Variants in SAMSN1 observed in about 807,000 individuals in gnomAD.
The protein encoded by SAMSN1 is SAM domain-containing protein SAMSN-1.
A neutral mutation model predicts 42.0 loss-of-function variants in SAMSN1; 31 were observed. The ratio of observed to expected loss-of-function variants is 0.74; its 90% CI spans 0.55 to 1.00. SAMSN1 has a LOEUF of 1.00. Among genes scored for constraint, SAMSN1 ranks in the 50% least tolerant of loss-of-function variants. The probability of loss-of-function intolerance (pLI) is 0.00; values close to 1 mark genes in which losing one functional copy is unlikely to be tolerated. For synonymous variants in SAMSN1, 178 were observed against 151.9 expected (o/e 1.17, Z -1.26); for missense variants, 464 against 439.4 (o/e 1.06, Z -0.50).
chr21:14,490,430 T>A (rs80126187), intron 7 of SAMSN1, among the ~76,000 whole-genome samples: 47 of 152,262 alleles, frequency 3.1e-4, no homozygotes, highest in African/African-American at 1.1e-3. Context: ...CAGTCTCAAG[T>A]TTTAACCTCA....
intron 3 of SAMSN1, among the ~76,000 whole-genome samples, chr21:14,513,998 A>G (rs1468335567): frequency 1.3e-5 from 2 of 152,192 alleles, no homozygotes; most frequent in Non-Finnish European, 2.9e-5. Flanking sequence ...CTTTACTGAC[A>G]GTCCCAGGAC....
chr21:14,631,079 G>A (rs1268909271), intron 2 of SAMSN1, among the ~76,000 whole-genome samples: 2 of 152,058 alleles, frequency 1.3e-5, no homozygotes, highest in Non-Finnish European at 2.9e-5. Context: ...TTTTGTGAAA[G>A]GTTCTGGGAC....
Position 14,498,471 on chromosome 21 carries a change from G to A in SAMSN1, c.890C>T (p.Ser297Leu), listed in dbSNP as rs1303086741. Residue 297 changes from serine (S) to leucine (L), a missense_variant, in exon 7 of 8, where the codon TCA (serine) becomes TTA (leucine). Ser to Leu is a moderately radical substitution (Grantham distance 145). Coordinates refer to ENST00000400566, the MANE Select transcript of SAMSN1 (RefSeq NM_022136.5). ...ENPDDRRRLL[S>L]AAENFLEEEI... Reference sequence around the variant, plus strand: ...TTCTTCAAGGAAGTTTTCAGCAGCTGATAGTAACCTTCTTCTGTCATCTGG... The same window carrying A: ...TTCTTCAAGGAAGTTTTCAGCAGCTAATAGTAACCTTCTTCTGTCATCTGG... The A allele has an allele frequency of 1.9e-6, 3 of 1,610,468 alleles. No homozygotes were observed. Among genetic ancestry groups the A allele is most frequent in the Admixed American group, 3.4e-5 (2 of 59,052 alleles).
At chr21:14,618,354 G>C (rs1982897943) in intron 2 of SAMSN1, among the ~76,000 whole-genome samples, 1 of 152,160 alleles carries the variant, frequency 6.6e-6, no homozygotes, top group African/African-American at 2.4e-5. Flanking sequence ...GGTCTGGAGT[G>C]TGATTATATG....
intron 2 of SAMSN1, among the ~76,000 whole-genome samples, chr21:14,631,857 G>A (rs1382630317): frequency 2.0e-5 from 3 of 152,030 alleles, no homozygotes; most frequent in Non-Finnish European, 4.4e-5. Context: ...TTTTCTTGCT[G>A]AAGTGGACAT....
intron 6 of SAMSN1, among the ~76,000 whole-genome samples, chr21:14,599,547 C>T (rs933576072): frequency 1.3e-5 from 2 of 152,136 alleles, no homozygotes; most frequent in African/African-American, 4.8e-5. Flanking sequence ...TACATGGGGC[C>T]TAATGGCAGG....
rs1986391871 is a variant in SAMSN1, at chr21:14,485,464, T to C, written c.*448A>G. The C allele has an allele frequency of 6.5e-6, 1 of 154,880 alleles. No individual in the cohort carries two copies. Among genetic ancestry groups the C allele is most frequent in the African/African-American group, 2.4e-5 (1 of 41,452 alleles). The allele number at this position is 154,880 out of a possible 1,614,324, so 9.6% of individuals were successfully genotyped here. A position where few individuals can be genotyped will look rare whatever the true frequency, so the allele number is the denominator to read the frequency against. Reference sequence around the variant, plus strand: ...AATGTGTCCAATATTAACTCACACTTTCCCAATAAGTATAAAAATGAATAT... The same window carrying C: ...AATGTGTCCAATATTAACTCACACTCTCCCAATAAGTATAAAAATGAATAT... On this transcript the variant is annotated 3_prime_UTR_variant, in exon 8 of 8. Transcript: ENST00000400566.
At chr21:14,499,935 G>T (rs1987075716) in intron 6 of SAMSN1, among the ~76,000 whole-genome samples, 2 of 152,164 alleles carry the variant, frequency 1.3e-5, no homozygotes, top group Admixed American at 1.3e-4. Flanking sequence ...ACTAGGTGTA[G>T]TGTATGTACA....
intron 1 of SAMSN1, among the ~76,000 whole-genome samples, chr21:14,650,157 A>G (rs1266218468): frequency 6.6e-6 from 1 of 152,172 alleles, no homozygotes; most frequent in Non-Finnish European, 1.5e-5. Flanking sequence ...CAACAAAGAA[A>G]CATCAGACTG....
At chr21:14,632,847 G>A (rs925450332) in intron 2 of SAMSN1, among the ~76,000 whole-genome samples, 29 of 152,166 alleles carry the variant, frequency 1.9e-4, no homozygotes, top group African/African-American at 7.0e-4. Flanking sequence ...TGTTGGGCTG[G>A]AGGCCTTACT....
intron 7 of SAMSN1, among the ~76,000 whole-genome samples, chr21:14,495,379 T>C (rs1174561343): frequency 6.6e-6 from 1 of 152,226 alleles, no homozygotes; most frequent in Non-Finnish European, 1.5e-5. Flanking sequence ...CTTTATTTCT[T>C]GAGCAAAGCA....
intron 7 of SAMSN1, among the ~76,000 whole-genome samples, chr21:14,496,681 T>C (rs1217147842): frequency 6.6e-6 from 1 of 152,214 alleles, no homozygotes; most frequent in Non-Finnish European, 1.5e-5. Flanking sequence ...ATTGATTAGA[T>C]TGGCTACTTT....
upstream of SAMSN1, among the ~76,000 whole-genome samples, chr21:14,550,218 G>A (rs144882247): frequency 3.3e-5 from 5 of 152,166 alleles, no homozygotes; most frequent in African/African-American, 7.2e-5. Flanking sequence ...TTTCTTCCTT[G>A]TGAATCTCCT....
chr21:14,533,649 C>T lies in SAMSN1; in HGVS notation c.58-12428G>A, dbSNP rs189637128. ...CAAGGTGACTAATTCATAAACCAAA[C>T]TGATAAGATATCAAAAATGGCAATA... is the stretch of plus-strand genomic sequence containing the variant. On this transcript the variant is annotated intron_variant, in intron 1 of 7. Coordinates refer to ENST00000400566, the MANE Select transcript of SAMSN1 (RefSeq NM_022136.5). 5.8e-4 allele frequency among the ~76,000 whole-genome samples: 88 copies of T among 152,224 alleles called. 1 individual carries two copies. Among genetic ancestry groups the T allele is most frequent in the African/African-American group, 2.0e-3 (82 of 41,534 alleles).
intron 5 of SAMSN1, among the ~76,000 whole-genome samples, chr21:14,604,602 C>G (rs1488146387): frequency 6.6e-6 from 1 of 152,198 alleles, no homozygotes; most frequent in Admixed American, 6.5e-5. Context: ...CAGCTTCTAC[C>G]TTGGGTTCTT....
intron 1 of SAMSN1, among the ~76,000 whole-genome samples, chr21:14,644,674 G>A (rs906247594): frequency 6.6e-6 from 1 of 152,142 alleles, no homozygotes; most frequent in African/African-American, 2.4e-5. Flanking sequence ...TTGCACTTTA[G>A]GTACCAGCAC....
intron 6 of SAMSN1, among the ~76,000 whole-genome samples, chr21:14,595,429 T>C (rs1315247703): frequency 1.3e-5 from 2 of 152,104 alleles, no homozygotes; most frequent in African/African-American, 4.8e-5. Context: ...GTTTCTGTTT[T>C]TACAAATTAC....
chr21:14,545,484 A>G (rs1403142501), intron 1 of SAMSN1, among the ~76,000 whole-genome samples: 2 of 152,130 alleles, frequency 1.3e-5, no homozygotes, highest in African/African-American at 2.4e-5. Flanking sequence ...GTTTTACGTT[A>G]TTAATAAATC....
upstream of SAMSN1, among the ~76,000 whole-genome samples, chr21:14,584,142 G>A (rs979028957): frequency 1.3e-5 from 2 of 152,082 alleles, no homozygotes; most frequent in Non-Finnish European, 2.9e-5. Context: ...GTTCAAAGTT[G>A]CTATTTGCTA....
Sources: allele counts gnomAD v4.1 joint callset (sites outside exome capture counted in the v4.1 genomes callset), GRCh38; gene constraint gnomAD v4.1.1; transcripts MANE v1.5; gene names NCBI Gene and HGNC (gene_info 2026-07-23, HGNC 2026-07-21).